CNTNAP2: variants seen among roughly 807,000 people sequenced by gnomAD.
CNTNAP2 encodes contactin associated protein 2, also known as contactin-associated protein-like 2.
Under a neutral mutation model 155.2 loss-of-function variants are expected in CNTNAP2, and 98 were observed. The observed-to-expected ratio is 0.63, with a 90% CI of 0.54 to 0.75. The LOEUF is 0.75. Among genes scored for constraint, CNTNAP2 ranks in the 30% least tolerant of loss-of-function variants. The probability of loss-of-function intolerance (pLI) is 0.00; values close to 1 mark genes in which losing one functional copy is unlikely to be tolerated. For synonymous variants in CNTNAP2, 651 were observed against 631.2 expected, an observed-to-expected ratio of 1.03 and a Z score of -0.47; for missense variants, 1,727 against 1,688.1, an observed-to-expected ratio of 1.02 and a Z score of -0.40.
intron 8 of CNTNAP2, among the ~76,000 whole-genome samples, chr7:147,145,583 A>G (rs1006222853): frequency 5.3e-5 from 8 of 152,040 alleles, no homozygotes; most frequent in Non-Finnish European, 1.0e-4. Flanking sequence ...CACTCCACGG[A>G]CTTCCATTTT....
intron 8 of CNTNAP2, among the ~76,000 whole-genome samples, chr7:147,194,115 T>C (rs1802736153): frequency 6.6e-6 from 1 of 151,412 alleles, no homozygotes; most frequent in African/African-American, 2.4e-5. Flanking sequence ...TGGTGTGTGA[T>C]GTTCCCCTCC....
intron 21 of CNTNAP2, among the ~76,000 whole-genome samples, chr7:148,383,045 GTGAT>G (rs1223343011): frequency 6.6e-6 from 1 of 152,198 alleles, no homozygotes; most frequent in Non-Finnish European, 1.5e-5. Flanking sequence ...TGTGTTGTTT[GTGAT>G]TGATTGGGTT....
intron 1 of CNTNAP2, among the ~76,000 whole-genome samples, chr7:146,684,730 A>C (rs963083481): frequency 6.7e-6 from 1 of 150,052 alleles, no homozygotes; most frequent in Middle Eastern, 3.2e-3. Context: ...CCTATTTGAC[A>C]TTTTCAAATC....
intron 3 of CNTNAP2, among the ~76,000 whole-genome samples, chr7:146,905,812 G>A (rs187930345): frequency 6.6e-6 from 1 of 152,294 alleles, no homozygotes; most frequent in Non-Finnish European, 1.5e-5. Flanking sequence ...GGCCGAATAG[G>A]AACAGCTCCG....
intron 13 of CNTNAP2, among the ~76,000 whole-genome samples, chr7:147,852,498 T>A (rs1381403895): frequency 6.6e-6 from 1 of 152,170 alleles, no homozygotes; most frequent in African/African-American, 2.4e-5. Context: ...TTCAGATCCA[T>A]TCAAAATTTC....
At chr7:147,351,053 C>G (rs961439372) in intron 9 of CNTNAP2, among the ~76,000 whole-genome samples, 2 of 151,804 alleles carry the variant, frequency 1.3e-5, no homozygotes, top group East Asian at 3.9e-4. Context: ...TGCTTTCAAG[C>G]AATCTTTCTT....
intron 9 of CNTNAP2, among the ~76,000 whole-genome samples, chr7:147,386,917 C>A (rs1280875644): frequency 6.6e-6 from 1 of 152,196 alleles, no homozygotes; most frequent in Non-Finnish European, 1.5e-5. Context: ...CTTACAGTTC[C>A]ATGTGGCTAG....
chr7:146,530,900 T>C (rs78109557), intron 1 of CNTNAP2, among the ~76,000 whole-genome samples: 1,571 of 152,280 alleles, frequency 0.01, 23 homozygotes, highest in Middle Eastern at 0.065. Flanking sequence ...TATAAGTCAT[T>C]CTACCATAAA....
intron 13 of CNTNAP2, among the ~76,000 whole-genome samples, chr7:147,817,728 C>T (rs1798294200): frequency 6.6e-6 from 1 of 151,642 alleles, no homozygotes; most frequent in African/African-American, 2.4e-5. Flanking sequence ...ATGGTGAAAC[C>T]CTGTCTCCAC....
chr7:147,524,358 C>A (rs1300594953), intron 11 of CNTNAP2, among the ~76,000 whole-genome samples: 1 of 152,152 alleles, frequency 6.6e-6, no homozygotes, highest in Non-Finnish European at 1.5e-5. Context: ...CCATTGCACT[C>A]CAGCCTGGGC....
intron 14 of CNTNAP2, among the ~76,000 whole-genome samples, chr7:147,941,952 T>C (rs1800730821): frequency 6.6e-6 from 1 of 152,212 alleles, no homozygotes; most frequent in Non-Finnish European, 1.5e-5. Flanking sequence ...TGTGGCCATG[T>C]CTACCTAAGA....
chr7:147,495,331 A>G (rs953455027), intron 11 of CNTNAP2, among the ~76,000 whole-genome samples: 2 of 152,204 alleles, frequency 1.3e-5, no homozygotes, highest in African/African-American at 4.8e-5. Context: ...AAACCTTGGT[A>G]GCTTGAAGCA....
chr7:146,695,109 C>G (rs1800760139), intron 1 of CNTNAP2, among the ~76,000 whole-genome samples: 1 of 152,136 alleles, frequency 6.6e-6, no homozygotes, highest in Non-Finnish European at 1.5e-5. Context: ...CTAGTACTTT[C>G]ATGACAATGT....
chr7:146,765,074 A>G (rs1369147213), intron 1 of CNTNAP2, among the ~76,000 whole-genome samples: 1 of 152,210 alleles, frequency 6.6e-6, no homozygotes, highest in African/African-American at 2.4e-5. Flanking sequence ...TGAAAATATT[A>G]TATTAGGAAC....
intron 1 of CNTNAP2, among the ~76,000 whole-genome samples, chr7:146,751,329 T>C (rs959563072): frequency 7.2e-5 from 11 of 152,310 alleles, no homozygotes; most frequent in African/African-American, 2.6e-4. Context: ...GAGAATAGCA[T>C]ATAATTACAT....
rs534697526 is a variant in CNTNAP2, at chr7:146,309,249, C to T, written c.97+192276C>T. 2.6e-5 allele frequency among the ~76,000 whole-genome samples: 4 copies of T among 152,200 alleles called. No individual in the cohort carries two copies. In the East Asian group the frequency reaches 7.8e-4, roughly 30 times the overall value. On this transcript the variant is annotated intron_variant, in intron 1 of 23. Coordinates refer to ENST00000361727, the MANE Select transcript of CNTNAP2 (RefSeq NM_014141.6). ...ATTTTGAAGGATTTTGCTGGACTTT[C>T]AGAACGTGTGATTTGTTTTAACGGT...
At chr7:148,188,438 A>G (rs1795155233) in intron 18 of CNTNAP2, among the ~76,000 whole-genome samples, 2 of 152,150 alleles carry the variant, frequency 1.3e-5, no homozygotes, top group Admixed American at 1.3e-4. Context: ...CTTTGAGGAG[A>G]TAGTTAAGAT....
chr7:147,849,002 C>T (rs77525968), intron 13 of CNTNAP2, among the ~76,000 whole-genome samples: 6,730 of 152,084 alleles, frequency 0.044, 270 homozygotes, highest in Admixed American at 0.12. Flanking sequence ...GCTCCAGCTA[C>T]GTACTCTGAA....
intron 3 of CNTNAP2, among the ~76,000 whole-genome samples, chr7:146,949,429 C>T (rs1200956275): frequency 6.6e-6 from 1 of 152,128 alleles, no homozygotes; most frequent in Non-Finnish European, 1.5e-5. Context: ...TCTGATTTCT[C>T]CACGTTGCCT....
Sources: allele counts gnomAD v4.1 joint callset (sites outside exome capture counted in the v4.1 genomes callset), GRCh38; gene constraint gnomAD v4.1.1; transcripts MANE v1.5; gene names NCBI Gene and HGNC (gene_info 2026-07-23, HGNC 2026-07-21).